FGFR2: variants seen among roughly 807,000 people sequenced by gnomAD.
FGFR2 encodes the protein BEK fibroblast growth factor receptor.
Under a neutral mutation model 95.9 loss-of-function variants are expected in FGFR2, and 19 were observed. That is an observed-to-expected ratio of 0.20 (90% CI 0.14 to 0.29). The LOEUF (loss-of-function observed/expected upper bound fraction) is 0.29. FGFR2 is among the 10% of genes least tolerant of loss of function. The pLI is 1.00. For synonymous variants in FGFR2, 392 were observed against 393.3 expected (o/e 1.00, Z 0.04); for missense variants, 707 against 1,056.9 (o/e 0.67, Z 4.59).
Position 121,520,039 on chromosome 10 carries a change from G to A in FGFR2, c.879C>T (p.His293=), listed in dbSNP as rs55745510. ...CGTATTTACTGCCGTTCTTTTCCAC[G>A]TGCTTGATCCACTGGATGTGGGGCT... ...DAQPHIQWIK[H]VEKNGSKYGP... The change falls in exon 7 of 18, where the codon CAC becomes CAT. Residue 293 remains histidine (H), a synonymous_variant. Coordinates refer to ENST00000358487, the MANE Select transcript of FGFR2 (RefSeq NM_000141.5). 2.6e-5 allele frequency: 42 copies of A among 1,614,196 alleles called. No individual in the cohort carries two copies. In the East Asian group the frequency reaches 4.9e-4, roughly 19 times the overall value.
rs202212545 is a variant in FGFR2, at chr10:121,551,363, T to A, written c.551A>T (p.Asn184Ile). The A allele has an allele frequency of 5.6e-5, 91 of 1,614,078 alleles. No individual in the cohort carries two copies. Among genetic ancestry groups the A allele is most frequent in the South Asian group, 3.5e-4 (32 of 91,088 alleles). ...CAGCCACCGCATGGTTGGCATTGGG[T>A]TCCCCCCGGCTGGGCAGCGAAACTT... ...TVKFRCPAGG[N>I]PMPTMRWLKN... Residue 184 changes from asparagine (N) to isoleucine (I), a missense_variant, in exon 5 of 18, where the codon AAC becomes ATC. By Grantham distance (149) the Asn-to-Ile change is moderately radical. Coordinates refer to ENST00000358487, the MANE Select transcript of FGFR2 (RefSeq NM_000141.5).
intron 2 of FGFR2, among the ~76,000 whole-genome samples, chr10:121,579,039 T>C (rs947773300): frequency 6.6e-6 from 1 of 152,200 alleles, no homozygotes; most frequent in Non-Finnish European, 1.5e-5. Flanking sequence ...TCAGCTCCAG[T>C]GTCCAAGGAT....
chr10:121,582,325 A>G (rs1270946607), intron 2 of FGFR2, among the ~76,000 whole-genome samples: 2 of 152,218 alleles, frequency 1.3e-5, no homozygotes, highest in African/African-American at 4.8e-5. Context: ...CCTGGCACAT[A>G]GTAGGTCTCA....
At chr10:121,565,056 G>A (rs1039564892) in intron 3 of FGFR2, among the ~76,000 whole-genome samples, 17 of 151,566 alleles carry the variant, frequency 1.1e-4, no homozygotes, top group Admixed American at 1.3e-4. Flanking sequence ...GGCCTGTTCT[G>A]TCCCGCTCAC....
At chr10:121,553,957 G>T (rs1009368042) in intron 4 of FGFR2, among the ~76,000 whole-genome samples, 1 of 152,186 alleles carries the variant, frequency 6.6e-6, no homozygotes, top group South Asian at 2.1e-4. Context: ...ACAGCCCATG[G>T]GCAACCCGCA....
intron 5 of FGFR2, among the ~76,000 whole-genome samples, chr10:121,539,220 T>C (rs1853318124): frequency 1.3e-5 from 2 of 152,238 alleles, no homozygotes; most frequent in Non-Finnish European, 2.9e-5. Context: ...AAGGGGCTCA[T>C]AGTTCTCAGA....
intron 13 of FGFR2, 143 bp downstream of exon 13, chr10:121,496,389 G>C (rs1846813897): frequency 1.1e-6 from 1 of 878,672 alleles, no homozygotes; most frequent in Non-Finnish European, 1.9e-6. Flanking sequence ...AACTCAAATG[G>C]GAATAACGCA....
At chr10:121,561,296 T>C (rs1856920947) in intron 4 of FGFR2, among the ~76,000 whole-genome samples, 1 of 151,734 alleles carries the variant, frequency 6.6e-6, no homozygotes, top group African/African-American at 2.4e-5. Context: ...TGGTAGCATG[T>C]ACCTGTAATC....
chr10:121,582,501 CAAG>C, intron 2 of FGFR2, among the ~76,000 whole-genome samples: 1 of 152,272 alleles, frequency 6.6e-6, no homozygotes, highest in East Asian at 1.9e-4. Flanking sequence ...ATCTCCTAGT[CAAG>C]AACTCTACGG....
chr10:121,547,400 CTTT>C (rs764591388), intron 5 of FGFR2, among the ~76,000 whole-genome samples: 2 of 139,404 alleles, frequency 1.4e-5, no homozygotes, highest in Admixed American at 7.2e-5. Flanking sequence ...CCTTTTTTTT[CTTT>C]TTTTTTTTTT....
intron 6 of FGFR2, among the ~76,000 whole-genome samples, chr10:121,520,644 AT>A (rs949178153): frequency 4.0e-5 from 6 of 151,424 alleles, no homozygotes; most frequent in East Asian, 3.9e-4. Flanking sequence ...CTCCCAATAC[AT>A]TTTTTTTTCT....
At chr10:121,559,762 AT>A (rs1856686194) in intron 4 of FGFR2, among the ~76,000 whole-genome samples, 2 of 152,222 alleles carry the variant, frequency 1.3e-5, no homozygotes, top group African/African-American at 4.8e-5. Flanking sequence ...CATTCATCAC[AT>A]GGGTGCTCTA....
chr10:121,520,140 C>G lies in FGFR2; in HGVS notation c.778G>C (p.Ala260Pro), dbSNP rs2134318213. ...ERSPHRPILQAGLPANASTVV... is the reference protein window; with the variant it reads ...ERSPHRPILQPGLPANASTVV... ...GTGGAGGCATTTGCCGGCAGTCCGG[C>G]TTGGAGGATGGGCCGGTGAGGCGAT... Residue 260 changes from alanine to proline, a missense_variant, in exon 7 of 18, where the codon GCC (alanine) becomes CCC (proline). Coordinates refer to ENST00000358487, the MANE Select transcript of FGFR2 (RefSeq NM_000141.5). 1 of 1,613,918 alleles carries G rather than the reference C, an allele frequency of 6.2e-7. No individual in the cohort carries two copies. The highest frequency in any genetic ancestry group is 8.5e-7 in the Non-Finnish European group (1 of 1,179,868).
At chr10:121,591,992 A>G (rs961967380) in intron 2 of FGFR2, among the ~76,000 whole-genome samples, 1 of 152,242 alleles carries the variant, frequency 6.6e-6, no homozygotes, top group African/African-American at 2.4e-5. Context: ...AATTAAATAC[A>G]GTAAAACAAA....
At chr10:121,551,536 T>A (rs1855411438) in intron 4 of FGFR2, 77 bp from the exon 5 acceptor site, 5 of 1,336,036 alleles carry the variant, frequency 3.7e-6, no homozygotes, top group Non-Finnish European at 5.3e-6. Context: ...ACAGGTAAGA[T>A]CATTTCGCTT....
At chr10:121,557,769 C>T (rs1036835356) in intron 4 of FGFR2, among the ~76,000 whole-genome samples, 1 of 152,036 alleles carries the variant, frequency 6.6e-6, no homozygotes, top group Non-Finnish European at 1.5e-5. Context: ...AGGATCTCTA[C>T]CAAGTAAAAA....
chr10:121,515,978 A>G (rs1179170315), intron 8 of FGFR2, among the ~76,000 whole-genome samples: 1 of 151,984 alleles, frequency 6.6e-6, no homozygotes, highest in East Asian at 1.9e-4. Flanking sequence ...ATATTCTTTA[A>G]TAACCTTTTA....
At chr10:121,573,769 G>A (rs1430710541) in intron 2 of FGFR2, among the ~76,000 whole-genome samples, 1 of 152,116 alleles carries the variant, frequency 6.6e-6, no homozygotes, top group African/African-American at 2.4e-5. Flanking sequence ...GTTTGTACCT[G>A]GAGGCACAGC....
At chr10:121,595,150 G>C (rs563994713) in intron 1 of FGFR2, among the ~76,000 whole-genome samples, 165 of 152,332 alleles carry the variant, frequency 1.1e-3, no homozygotes, top group Non-Finnish European at 1.8e-3. Flanking sequence ...AAGACTGGGG[G>C]TGGCAGGGAG....
Sources: allele counts gnomAD v4.1 joint callset (sites outside exome capture counted in the v4.1 genomes callset), GRCh38; gene constraint gnomAD v4.1.1; transcripts MANE v1.5; gene names NCBI Gene and HGNC (gene_info 2026-07-23, HGNC 2026-07-21).